The following SERGEF variants were observed in gnomAD, a reference collection of about 807,000 sequenced individuals.
SERGEF encodes secretion regulating guanine nucleotide exchange factor.
A neutral mutation model predicts 50.0 loss-of-function variants in SERGEF; 51 were observed. That is an observed-to-expected ratio of 1.02 (90% confidence interval 0.81 to 1.29). The LOEUF (loss-of-function observed/expected upper bound fraction) is 1.29, where lower values mean the gene tolerates loss of function less well. Among genes scored for constraint, SERGEF ranks in the 50% most tolerant of loss-of-function variants. The probability of loss-of-function intolerance (pLI) is 0.00; values close to 1 mark genes in which losing one functional copy is unlikely to be tolerated. For missense variants in SERGEF, 521 were observed against 557.0 expected (o/e 0.94, Z 0.65); for synonymous variants, 205 against 212.4 (o/e 0.97, Z 0.30).
At chr11:17,834,935 T>A (rs1274827450) in intron 10 of SERGEF, among the ~76,000 whole-genome samples, 6 of 152,226 alleles carry the variant, frequency 3.9e-5, no homozygotes, top group African/African-American at 7.2e-5. Context: ...ATAGCCTGTG[T>A]GTGTCTCCTA....
intron 6 of SERGEF, 150 bp downstream of exon 6, chr11:17,995,646 T>C (rs1853821765): frequency 1.6e-6 from 1 of 618,074 alleles, no homozygotes; most frequent in African/African-American, 1.8e-5. Flanking sequence ...CAACAAACAA[T>C]GCCAGCAAGA....
At chr11:17,896,074 C>A (rs1226529004) in intron 9 of SERGEF, among the ~76,000 whole-genome samples, 2 of 151,986 alleles carry the variant, frequency 1.3e-5, no homozygotes, top group Non-Finnish European at 2.9e-5. Flanking sequence ...TAATTATTTC[C>A]TTGGGATAAG....
At chr11:17,954,321 G>C (rs769885509) in intron 9 of SERGEF, among the ~76,000 whole-genome samples, 1 of 152,128 alleles carries the variant, frequency 6.6e-6, no homozygotes. Flanking sequence ...AAAGGAGGAA[G>C]GTCATTCAGG....
chr11:17,976,224 C>G (rs549179810), intron 8 of SERGEF, among the ~76,000 whole-genome samples: 2 of 152,124 alleles, frequency 1.3e-5, no homozygotes, highest in Non-Finnish European at 2.9e-5. Context: ...CAATATTCCT[C>G]AGAATGGGCT....
In SERGEF at chr11:17,788,133, T is replaced by G. The variant is rs762579121; in HGVS notation, c.1329A>C (p.Glu443Asp). The change falls in exon 11 of 11, where the codon GAA becomes GAC. Residue 443 changes from glutamate (E) to aspartate (D), a missense_variant. Coordinates refer to ENST00000265965, the MANE Select transcript of SERGEF (RefSeq NM_012139.4). ...AGTCAGATTGGCTTTGGGTTGAAGT[T>G]TCTGATTGTCTTTCCTTCCAGTTTC... is the stretch of plus-strand genomic sequence containing the variant. ...KERNWKERQSETSTQSQSDWS... is the reference protein window; with the variant it reads ...KERNWKERQSDTSTQSQSDWS... The G allele has an allele frequency of 1.1e-5, 18 of 1,572,242 alleles. No homozygotes were observed. The South Asian group carries it at 2.1e-4, about 18-fold the overall frequency.
chr11:17,846,276 A>G (rs1565183713), intron 10 of SERGEF, among the ~76,000 whole-genome samples: 1 of 152,218 alleles, frequency 6.6e-6, no homozygotes, highest in Non-Finnish European at 1.5e-5. Context: ...TGTATCGCCA[A>G]TGAGTGCCTT....
intron 10 of SERGEF, among the ~76,000 whole-genome samples, chr11:17,811,012 G>A (rs1849861198): frequency 6.6e-6 from 1 of 152,220 alleles, no homozygotes; most frequent in South Asian, 2.1e-4. Context: ...GAGGCTGGCA[G>A]AAGGGGTCAT....
intron 9 of SERGEF, among the ~76,000 whole-genome samples, chr11:17,959,254 C>T (rs1255107001): frequency 6.6e-6 from 1 of 152,162 alleles, no homozygotes; most frequent in Non-Finnish European, 1.5e-5. Context: ...GTACTTTGAA[C>T]CTCCAAGGAA....
chr11:17,999,704 G>A, intron 5 of SERGEF: 1 of 366,138 alleles, frequency 2.7e-6, no homozygotes, highest in Non-Finnish European at 5.3e-6. Flanking sequence ...TCACAGTACA[G>A]GAGACAAGCT....
chr11:17,889,976 T>C (rs1851501676), intron 9 of SERGEF, among the ~76,000 whole-genome samples: 1 of 148,266 alleles, frequency 6.7e-6, no homozygotes, highest in African/African-American at 2.5e-5. Flanking sequence ...GGTCACTGAG[T>C]TGAATATTTA....
Position 17,883,880 on chromosome 11 carries a change from C to G in SERGEF, c.1012-5636G>C, listed in dbSNP as rs1302603263. Among the ~76,000 whole-genome samples the G allele has an allele frequency of 3.3e-5, 5 of 152,070 alleles. No homozygotes were observed. In the East Asian group the frequency reaches 9.6e-4, roughly 29 times the overall value. On this transcript the variant is annotated intron_variant, in intron 9 of 10. Transcript: ENST00000265965. ...CAACAAAGTTCTGTCGCCTGCCCTC[C>G]TCATGGATACCCATGGCGACAGAAC...
intron 10 of SERGEF, among the ~76,000 whole-genome samples, chr11:17,840,801 C>A (rs1217925853): frequency 6.6e-6 from 1 of 152,152 alleles, no homozygotes; most frequent in Non-Finnish European, 1.5e-5. Flanking sequence ...ACAAGAACAG[C>A]AAAGCCAGAT....
In SERGEF at chr11:17,911,595, C is replaced by T. The variant is rs932832047; in HGVS notation, c.1012-33351G>A. Among the ~76,000 whole-genome samples the T allele has an allele frequency of 4.0e-4, 60 of 151,826 alleles. 1 individual carries two copies. The highest frequency in any genetic ancestry group is 1.2e-3 in the African/African-American group (48 of 41,360). On this transcript the variant is annotated intron_variant, in intron 9 of 10. Transcript: ENST00000265965. ...CTCCACCTCCCAGGCTCAAGTGATCCTCCCCGCTCAGCCTCCCAAGTAGTT... is the reference window on the plus strand; with the variant it reads ...CTCCACCTCCCAGGCTCAAGTGATCTTCCCCGCTCAGCCTCCCAAGTAGTT...
At chr11:18,001,875 G>A (rs1853969236) in intron 4 of SERGEF, 2 of 407,030 alleles carry the variant, frequency 4.9e-6, no homozygotes, top group South Asian at 3.7e-5. Flanking sequence ...TACCACATTT[G>A]TTTATTTACA....
chr11:17,993,696 T>C (rs1162562524), intron 6 of SERGEF, among the ~76,000 whole-genome samples: 1 of 152,178 alleles, frequency 6.6e-6, no homozygotes, highest in Non-Finnish European at 1.5e-5. Context: ...TGTAATAAAA[T>C]GGCCCTCACA....
intron 8 of SERGEF, among the ~76,000 whole-genome samples, chr11:17,982,744 A>C (rs1394325052): frequency 6.6e-6 from 1 of 152,244 alleles, no homozygotes; most frequent in East Asian, 1.9e-4. Flanking sequence ...CAAATGCAAT[A>C]AAATATTTCT....
chr11:17,974,969 G>A (rs897787066), intron 8 of SERGEF, among the ~76,000 whole-genome samples: 1 of 152,184 alleles, frequency 6.6e-6, no homozygotes, highest in African/African-American at 2.4e-5. Context: ...GAAACTAATG[G>A]CTAGAAGCTT....
chr11:17,874,133 AAG>A (rs899805392), intron 10 of SERGEF: 39 of 152,580 alleles, frequency 2.6e-4, no homozygotes, highest in African/African-American at 8.7e-4. Context: ...GGTGGAAAGG[AAG>A]AGAGTGAATC....
intron 8 of SERGEF, among the ~76,000 whole-genome samples, chr11:17,962,351 A>C (rs1244525506): frequency 6.6e-6 from 1 of 152,158 alleles, no homozygotes; most frequent in Admixed American, 6.5e-5. Context: ...TAAAAAAAAA[A>C]CAATGAATCC....
Sources: allele counts gnomAD v4.1 joint callset (sites outside exome capture counted in the v4.1 genomes callset), GRCh38; gene constraint gnomAD v4.1.1; transcripts MANE v1.5; gene names NCBI Gene and HGNC (gene_info 2026-07-23, HGNC 2026-07-21).